PAK2: variants seen among roughly 807,000 people sequenced by gnomAD.
PAK2 encodes serine/threonine-protein kinase PAK 2.
PAK2 carries 21 observed loss-of-function variants against 65.9 expected under a neutral mutation model. That is an observed-to-expected ratio of 0.32 (90% CI 0.23 to 0.46). The LOEUF (loss-of-function observed/expected upper bound fraction) is 0.46, where lower values mean the gene tolerates loss of function less well. Among genes scored for constraint, PAK2 ranks in the 20% least tolerant of loss-of-function variants. The probability of loss-of-function intolerance (pLI) is 1.00; values close to 1 mark genes in which losing one functional copy is unlikely to be tolerated. For missense variants in PAK2, 324 were observed against 642.6 expected (o/e 0.50, Z 5.36); for synonymous variants, 204 against 219.7 (o/e 0.93, Z 0.63).
At chr3:196,808,462 G>T (rs113133393) in intron 7 of PAK2, among the ~76,000 whole-genome samples, 2,218 of 150,334 alleles carry the variant, frequency 0.015, 56 homozygotes, top group African/African-American at 0.051. Flanking sequence ...TTGGGAGGCT[G>T]AGGCAAGAGA....
intron 2 of PAK2, among the ~76,000 whole-genome samples, chr3:196,789,855 TAAG>T (rs1196527314): frequency 4.6e-5 from 7 of 152,208 alleles, no homozygotes; most frequent in Non-Finnish European, 8.8e-5. Flanking sequence ...TAGATTCTCA[TAAG>T]GAGTGTGCAG....
intron 4 of PAK2, among the ~76,000 whole-genome samples, chr3:196,803,910 C>T (rs966260862): frequency 6.6e-6 from 1 of 152,094 alleles, no homozygotes; most frequent in African/African-American, 2.4e-5. Flanking sequence ...AGTTTTTGTT[C>T]AAATAAAGAT....
At chr3:196,784,229 T>C (rs1242442137) in intron 2 of PAK2, among the ~76,000 whole-genome samples, 2 of 123,426 alleles carry the variant, frequency 1.6e-5, no homozygotes, top group Admixed American at 8.9e-5. Flanking sequence ...TTTTCTTTTT[T>C]TTTTTTTTAA....
chr3:196,788,010 C>T (rs895143168), intron 2 of PAK2, among the ~76,000 whole-genome samples: 4 of 152,264 alleles, frequency 2.6e-5, no homozygotes, highest in African/African-American at 9.6e-5. Context: ...CCGCTCATTT[C>T]CACCCACCTT....
chr3:196,760,925 T>G (rs1306314715), intron 1 of PAK2, among the ~76,000 whole-genome samples: 1 of 152,116 alleles, frequency 6.6e-6, no homozygotes, highest in Admixed American at 6.6e-5. Context: ...GCCAGCCAGT[T>G]TATAATCTTG....
chr3:196,777,895 A>ATT (rs1166576369), intron 1 of PAK2, among the ~76,000 whole-genome samples: 1 of 152,228 alleles, frequency 6.6e-6, no homozygotes, highest in Non-Finnish European at 1.5e-5. Context: ...GTGAGATATA[A>ATT]TTTGCATAAC....
intron 1 of PAK2, among the ~76,000 whole-genome samples, chr3:196,755,054 C>T (rs1713723621): frequency 6.6e-6 from 1 of 152,122 alleles, no homozygotes; most frequent in Non-Finnish European, 1.5e-5. Flanking sequence ...GTACAGTTGA[C>T]CTTAAAGCTA....
chr3:196,750,185 T>C lies in PAK2; in HGVS notation c.-22+10028T>C, dbSNP rs1713527335. On this transcript the variant is annotated intron_variant, in intron 1 of 14. Coordinates refer to ENST00000327134, the MANE Select transcript of PAK2 (RefSeq NM_002577.4). The stretch of plus-strand genomic sequence containing the variant: ...GTATTTTTTTTGTAGAGATGGGATT[T>C]CACCATATTGGCCAGGTTGGTCTCG... Among the ~76,000 whole-genome samples, 4 of 152,098 alleles carry C rather than the reference T, an allele frequency of 2.6e-5. No homozygotes were observed. The South Asian group carries it at 8.3e-4, about 32-fold the overall frequency.
At chr3:196,817,962 G>C (rs760006330) in intron 11 of PAK2, 95 bp from the exon 12 acceptor site, 7 of 536,316 alleles carry the variant, frequency 1.3e-5, no homozygotes, top group Middle Eastern at 5.0e-4. Context: ...CTTCTGCTGG[G>C]CACTGGAAGC....
intron 1 of PAK2, among the ~76,000 whole-genome samples, chr3:196,762,632 A>G (rs1714020050): frequency 6.6e-6 from 1 of 151,240 alleles, no homozygotes; most frequent in Non-Finnish European, 1.5e-5. Flanking sequence ...CTGAGATGGC[A>G]GCAGTACAGT....
rs1361087863 is a variant in PAK2 at position 196,812,261 on chromosome 3, A to T, written c.816A>T (p.Gly272=). The T allele has an allele frequency of 3.2e-6, 5 of 1,575,980 alleles. No homozygotes were observed. Among genetic ancestry groups the T allele is most frequent in the Non-Finnish European group, 4.4e-6 (5 of 1,145,632 alleles). Residue 272 remains glycine (G), a synonymous_variant, in exon 9 of 15, where the codon GGA becomes GGT. Transcript: ENST00000327134. ...TVFTATDVAL[G]QEVAIKQINL... ...TCACTGCTACTGACGTTGCACTGGG[A>T]CAGGAGGTAGTTACTTTGTTGTAAT...
Position 196,805,998 on chromosome 3 carries a change from G to A in PAK2, c.469-581G>A, listed in dbSNP as rs542487688. ...GCAATCTTGGCTCACTGCACGCACC[G>A]TCTTCTGGGTTCACTCCATTCTCCT... On this transcript the variant is annotated intron_variant, in intron 5 of 14. Transcript: ENST00000327134. Among the ~76,000 whole-genome samples, 28 of 151,806 alleles carry A rather than the reference G, an allele frequency of 1.8e-4. 1 individual carries two copies. The South Asian group carries it at 4.8e-3, about 26-fold the overall frequency.
At chr3:196,765,903 CTT>C (rs746435799) in intron 1 of PAK2, among the ~76,000 whole-genome samples, 17 of 140,348 alleles carry the variant, frequency 1.2e-4, no homozygotes, top group Admixed American at 2.1e-4. Flanking sequence ...TTAGTATCTT[CTT>C]TTTTTTTTTT....
At chr3:196,822,090 G>A (rs1711674370) in intron 13 of PAK2, among the ~76,000 whole-genome samples, 2 of 152,172 alleles carry the variant, frequency 1.3e-5, no homozygotes, top group Admixed American at 1.3e-4. Context: ...AAAGATTCCA[G>A]TTTATGTGGG....
At chr3:196,742,862 G>A (rs1161258305) in intron 1 of PAK2, among the ~76,000 whole-genome samples, 4 of 152,240 alleles carry the variant, frequency 2.6e-5, no homozygotes, top group African/African-American at 9.6e-5. Context: ...GGAGCTTGCA[G>A]TGAGTCGAGA....
chr3:196,755,948 G>T, intron 1 of PAK2, among the ~76,000 whole-genome samples: 1 of 151,996 alleles, frequency 6.6e-6, no homozygotes, highest in Non-Finnish European at 1.5e-5. Flanking sequence ...TAGAGACGGG[G>T]TTTCACTGTG....
chr3:196,786,134 T>C (rs866411176), intron 2 of PAK2, among the ~76,000 whole-genome samples: 3 of 152,032 alleles, frequency 2.0e-5, no homozygotes, highest in South Asian at 2.1e-4. Flanking sequence ...ATAGAAGTTA[T>C]TAATTTGATA....
At chr3:196,811,272 TCCCTC>T (rs1560113765) in intron 8 of PAK2, among the ~76,000 whole-genome samples, 4 of 13,376 alleles carry the variant, frequency 3.0e-4, no homozygotes, top group African/African-American at 4.6e-4. Context: ...TTCCTTCCCT[TCCCTC>T]CCTTCCCTCC....
rs916720606 is a variant in PAK2 at position 196,820,833 on chromosome 3, C to A, written c.1350+266C>A. 6.6e-6 allele frequency among the ~76,000 whole-genome samples: 1 copy of A among 151,926 alleles called. No homozygotes were observed. Among genetic ancestry groups the A allele is most frequent in the Non-Finnish European group, 1.5e-5 (1 of 67,952 alleles). ...GGAGCACCTGTCTCTAAAGCTTCTC[C>A]TTCTTTTATTTTTTAAGATGTTTTG... is the stretch of plus-strand genomic sequence containing the variant. On this transcript the variant is annotated intron_variant, in intron 13 of 14. Coordinates refer to ENST00000327134, the MANE Select transcript of PAK2 (RefSeq NM_002577.4). The surrounding 1 kb of genome is among the most constrained non-coding windows in gnomAD (Gnocchi z 4.6).
Sources: allele counts gnomAD v4.1 joint callset (sites outside exome capture counted in the v4.1 genomes callset), GRCh38; gene constraint gnomAD v4.1.1; non-coding constraint Gnocchi (gnomAD v3.1); transcripts MANE v1.5; gene names NCBI Gene and HGNC (gene_info 2026-07-23, HGNC 2026-07-21).